ZNF664: variants seen among roughly 807,000 people sequenced by gnomAD.
ZNF664 encodes the protein zinc finger Organ of Corti 1.
A neutral mutation model predicts 18.2 loss-of-function variants in ZNF664; 10 were observed. The observed-to-expected ratio is 0.55, with a 90% CI of 0.34 to 0.93. ZNF664 has a LOEUF of 0.93. Ranked by LOEUF, ZNF664 falls within the 40% of genes least tolerant of loss-of-function variation. ZNF664 has a pLI of 0.02. For synonymous variants in ZNF664, 119 were observed against 104.2 expected, an observed-to-expected ratio of 1.14 and a Z score of -0.86; for missense variants, 193 against 319.0, an observed-to-expected ratio of 0.61 and a Z score of 3.01.
At chr12:123,988,593 T>C (rs956258380) in intron 3 of ZNF664, among the ~76,000 whole-genome samples, 18 of 152,060 alleles carry the variant, frequency 1.2e-4, no homozygotes, top group South Asian at 2.1e-4. Context: ...GTTTTTTTTT[T>C]CCCCAACGTC....
intron 3 of ZNF664, chr12:123,989,428 T>G (rs1234768245): frequency 1.3e-5 from 2 of 152,220 alleles, no homozygotes; most frequent in African/African-American, 2.4e-5. Flanking sequence ...CCTCGGCCAG[T>G]CTTTATCGTG....
chr12:124,011,880 G>A lies in ZNF664; in HGVS notation c.-265G>A. ...CTCAGGATCTAAAACAAAGTTCTGT[G>A]TTAATGAGTTACAGAATTCACGTGG... On this transcript the variant is annotated 5_prime_UTR_variant, in exon 5 of 5. Transcript: ENST00000337815. The A allele has an allele frequency of 1.6e-6, 2 of 1,262,878 alleles. No individual in the cohort carries two copies. Among genetic ancestry groups the A allele is most frequent in the Non-Finnish European group, 2.0e-6 (2 of 1,006,886 alleles). The allele number at this position is 1,262,878 out of a possible 1,614,324, so 78.2% of individuals were successfully genotyped here. A position where few individuals can be genotyped will look rare whatever the true frequency, so the allele number is the denominator to read the frequency against.
chr12:124,008,562 A>G (rs1957099474), intron 3 of ZNF664, among the ~76,000 whole-genome samples: 1 of 152,206 alleles, frequency 6.6e-6, no homozygotes, highest in Non-Finnish European at 1.5e-5. Flanking sequence ...AAGAGAGTTC[A>G]TAGAGGAAAT....
intron 3 of ZNF664, among the ~76,000 whole-genome samples, chr12:124,001,312 T>G (rs897069344): frequency 1.3e-5 from 2 of 152,250 alleles, no homozygotes; most frequent in African/African-American, 4.8e-5. Context: ...TTCTGTACTT[T>G]AGCTACAGTT....
At chr12:123,980,700 C>G (rs2138330826) in intron 2 of ZNF664, among the ~76,000 whole-genome samples, 1 of 152,102 alleles carries the variant, frequency 6.6e-6, no homozygotes, top group South Asian at 2.1e-4. Flanking sequence ...TGAAAACGCC[C>G]CAAAAAAAGT....
intron 2 of ZNF664, among the ~76,000 whole-genome samples, chr12:123,985,971 G>A (rs767513557): frequency 3.3e-5 from 5 of 151,958 alleles, no homozygotes; most frequent in African/African-American, 4.8e-5. Flanking sequence ...TTTGCATCCA[G>A]TAATGTTTTT....
At chr12:123,976,372 A>G (rs1268887300) in intron 2 of ZNF664, among the ~76,000 whole-genome samples, 1 of 152,180 alleles carries the variant, frequency 6.6e-6, no homozygotes, top group Non-Finnish European at 1.5e-5. Context: ...CAGGCAGAGG[A>G]ACAGCATGTG....
chr12:123,979,469 A>G (rs1049957303), intron 2 of ZNF664, among the ~76,000 whole-genome samples: 1 of 152,196 alleles, frequency 6.6e-6, no homozygotes, highest in African/African-American at 2.4e-5. Context: ...TTAGATGGCA[A>G]TTTTGGCAGA....
chr12:123,980,087 T>G (rs1312553078), intron 2 of ZNF664, among the ~76,000 whole-genome samples: 1 of 152,246 alleles, frequency 6.6e-6, no homozygotes, highest in Non-Finnish European at 1.5e-5. Flanking sequence ...AATCTCATTT[T>G]TTGTAAGATA....
chr12:124,009,492 TTATTTTATATTTTA>T (rs893691185), intron 3 of ZNF664, among the ~76,000 whole-genome samples: 2 of 151,908 alleles, frequency 1.3e-5, no homozygotes, highest in South Asian at 4.2e-4. Context: ...TTTTATTTAT[TTATTTTATATTTTA>T]TATTTTATTT....
chr12:123,985,481 C>T (rs1956813292), intron 2 of ZNF664, among the ~76,000 whole-genome samples: 1 of 152,124 alleles, frequency 6.6e-6, no homozygotes, highest in African/African-American at 2.4e-5. Context: ...TCTATGAGAC[C>T]ATTTGCTATC....
intron 3 of ZNF664, among the ~76,000 whole-genome samples, chr12:124,004,721 CCTCCTGAG>C (rs1328087998): frequency 6.6e-6 from 1 of 152,146 alleles, no homozygotes; most frequent in Non-Finnish European, 1.5e-5. Context: ...GCTTGCATTA[CCTCCTGAG>C]CTCCACCTCC....
At chr12:123,996,687 T>C (rs1329621212) in intron 3 of ZNF664, among the ~76,000 whole-genome samples, 1 of 152,118 alleles carries the variant, frequency 6.6e-6, no homozygotes, top group Non-Finnish European at 1.5e-5. Flanking sequence ...CAGAATGTCG[T>C]TGGGGGCGGG....
rs2138474962 is a variant in ZNF664 at position 124,014,235 on chromosome 12, A to T, written c.*1305A>T. The T allele has an allele frequency of 6.0e-6, 1 of 167,122 alleles. No homozygotes were observed. Among genetic ancestry groups the T allele is most frequent in the East Asian group, 1.9e-4 (1 of 5,172 alleles). The allele number at this position is 167,122 out of a possible 1,614,324, so 10.4% of individuals were successfully genotyped here. A position where few individuals can be genotyped will look rare whatever the true frequency, so the allele number is the denominator to read the frequency against. Reference sequence around the variant, plus strand: ...GTCAGGGAGGCCTTTCCGCGGTGGGATGTTGAGCTGAGGCCGGAGGAGAAG... The same window carrying T: ...GTCAGGGAGGCCTTTCCGCGGTGGGTTGTTGAGCTGAGGCCGGAGGAGAAG... On this transcript the variant is annotated 3_prime_UTR_variant, in exon 5 of 5. Transcript: ENST00000337815.
rs941744793 is a variant in ZNF664 at position 124,011,983 on chromosome 12, A to C, written c.-162A>C. 4 of 1,430,144 alleles carry C rather than the reference A, an allele frequency of 2.8e-6. No homozygotes were observed. Among genetic ancestry groups the C allele is most frequent in the Non-Finnish European group, 3.6e-6 (4 of 1,100,780 alleles). 88.6% of individuals were successfully genotyped at this position (1,430,144 alleles called of 1,614,324 possible). A position where few individuals can be genotyped will look rare whatever the true frequency, so the allele number is the denominator to read the frequency against. On this transcript the variant is annotated 5_prime_UTR_variant, in exon 5 of 5. Transcript: ENST00000337815. ...AGGAAGAAACCTTCCGTAGAAAGAC[A>C]GGCAGGGAAAAGCTTAGGCTGACCT...
chr12:123,982,678 T>G (rs950489931), intron 2 of ZNF664, among the ~76,000 whole-genome samples: 2 of 152,120 alleles, frequency 1.3e-5, no homozygotes, highest in Non-Finnish European at 2.9e-5. Context: ...GCAGATTCAT[T>G]TAGTGTGAGC....
chr12:123,981,167 CAGAGGTATTTGGA>C (rs1286149456), intron 2 of ZNF664, among the ~76,000 whole-genome samples: 1 of 152,042 alleles, frequency 6.6e-6, no homozygotes, highest in Non-Finnish European at 1.5e-5. Context: ...GGAGAGTTTC[CAGAGGTATTTGGA>C]AGAGAGTGGC....
At chr12:123,979,298 A>G (rs1325961518) in intron 2 of ZNF664, among the ~76,000 whole-genome samples, 1 of 152,236 alleles carries the variant, frequency 6.6e-6, no homozygotes, top group Non-Finnish European at 1.5e-5. Context: ...AATGTGTTCA[A>G]ACAGTGAAGA....
In ZNF664 at chr12:123,986,602, C is replaced by T. The variant is rs1223563343; in HGVS notation, c.-756-1441C>T. On this transcript the variant is annotated intron_variant, in intron 2 of 4. Transcript: ENST00000337815. ...CATTCTCTCAGTATTGCTTAGATTC[C>T]TGAGAGAGAGGGAATCTGATTTTGT... 1.1e-4 allele frequency among the ~76,000 whole-genome samples: 17 copies of T among 152,290 alleles called. 3 individuals carry two copies. In the South Asian group the frequency reaches 3.1e-3, roughly 28 times the overall value.
Sources: gnomAD v4.1 joint callset for allele counts (sites outside exome capture counted in the v4.1 genomes callset) on GRCh38, gnomAD v4.1.1 for gene constraint, MANE v1.5 for transcripts, NCBI Gene and HGNC (gene_info 2026-07-23, HGNC 2026-07-21) for gene names.